Variants in SFT2D1 observed in about 807,000 individuals in gnomAD.
SFT2D1 encodes the protein SFT2 domain containing 1.
A neutral mutation model predicts 28.1 loss-of-function variants in SFT2D1; 24 were observed. The observed-to-expected ratio is 0.85, with a 90% CI of 0.62 to 1.20. SFT2D1 has a LOEUF of 1.20. Among genes scored for constraint, SFT2D1 ranks in the 50% most tolerant of loss-of-function variants. The probability of loss-of-function intolerance (pLI) is 0.00; values close to 1 mark genes in which losing one functional copy is unlikely to be tolerated. For synonymous variants in SFT2D1, 82 were observed against 73.7 expected, an observed-to-expected ratio of 1.11 and a Z score of -0.58; for missense variants, 181 against 190.9, an observed-to-expected ratio of 0.95 and a Z score of 0.31.
chr6:166,325,531 C>T (rs1778428824), intron 5 of SFT2D1, among the ~76,000 whole-genome samples: 1 of 152,244 alleles, frequency 6.6e-6, no homozygotes, highest in Non-Finnish European at 1.5e-5. Flanking sequence ...CAGTTCCTCT[C>T]TTTGTTGTTA....
At chr6:166,328,162 T>A in intron 4 of SFT2D1, 114 bp downstream of exon 4, 1 of 433,334 alleles carries the variant, frequency 2.3e-6, no homozygotes, top group Non-Finnish European at 3.8e-6. Flanking sequence ...AGTATAATAA[T>A]AAAAAAAAAT....
intron 1 of SFT2D1, among the ~76,000 whole-genome samples, chr6:166,332,724 G>A (rs1049860256): frequency 1.3e-5 from 2 of 152,208 alleles, no homozygotes; most frequent in African/African-American, 4.8e-5. Context: ...TCTGCTACCA[G>A]AGGAAGAGGA....
intron 5 of SFT2D1, chr6:166,325,917 G>A: frequency 1.7e-6 from 1 of 601,412 alleles, no homozygotes; most frequent in South Asian, 2.1e-5. Flanking sequence ...GTGTGCACAT[G>A]TGTGTTCACT....
chr6:166,321,546 T>C (rs1315998989), intron 7 of SFT2D1, among the ~76,000 whole-genome samples: 1 of 152,236 alleles, frequency 6.6e-6, no homozygotes, highest in African/African-American at 2.4e-5. Context: ...GTTTTGCTTT[T>C]TCTCCTTGTA....
chr6:166,341,577 C>T (rs1055163701), intron 1 of SFT2D1, among the ~76,000 whole-genome samples: 1 of 152,060 alleles, frequency 6.6e-6, no homozygotes, highest in Admixed American at 6.5e-5. Flanking sequence ...GAACTCTACC[C>T]ACACCAAGTG....
chr6:166,329,273 C>A (rs561887163), intron 3 of SFT2D1, among the ~76,000 whole-genome samples: 13 of 152,312 alleles, frequency 8.5e-5, no homozygotes, highest in African/African-American at 1.2e-4. Flanking sequence ...TTAGAACAGT[C>A]CCAGACACAC....
chr6:166,334,203 C>A (rs1365126318), intron 1 of SFT2D1, among the ~76,000 whole-genome samples: 1 of 152,240 alleles, frequency 6.6e-6, no homozygotes, highest in African/African-American at 2.4e-5. Flanking sequence ...CATCCACTAA[C>A]TGGCTCAATA....
At chr6:166,333,485 C>T (rs1301279102) in intron 1 of SFT2D1, among the ~76,000 whole-genome samples, 2 of 152,192 alleles carry the variant, frequency 1.3e-5, no homozygotes, top group East Asian at 1.9e-4. Flanking sequence ...GCTGGTTCCT[C>T]GGCCCCACCG....
chr6:166,330,468 C>T (rs370379565), intron 1 of SFT2D1, among the ~76,000 whole-genome samples: 6 of 152,230 alleles, frequency 3.9e-5, no homozygotes, highest in African/African-American at 1.4e-4. Context: ...TTTGCAAAGT[C>T]TGATAATATG....
intron 6 of SFT2D1, chr6:166,323,566 A>T (rs1171658060): frequency 1.3e-5 from 2 of 152,294 alleles, no homozygotes; most frequent in African/African-American, 4.8e-5. Context: ...GGGCACGTTT[A>T]ATCAACCACC....
At chr6:166,340,820 CA>C (rs1778764280) in intron 1 of SFT2D1, among the ~76,000 whole-genome samples, 1 of 152,242 alleles carries the variant, frequency 6.6e-6, no homozygotes, top group Admixed American at 6.5e-5. Flanking sequence ...CAATGTCAAA[CA>C]TATGCAGGAA....
intron 1 of SFT2D1, chr6:166,331,275 A>G (rs1778543732): frequency 6.5e-6 from 1 of 152,686 alleles, no homozygotes; most frequent in Non-Finnish European, 1.5e-5. Flanking sequence ...AATTTATACT[A>G]CCACATCCAC....
At chr6:166,333,296 G>T (rs917123153) in intron 1 of SFT2D1, among the ~76,000 whole-genome samples, 1 of 152,176 alleles carries the variant, frequency 6.6e-6, no homozygotes, top group African/African-American at 2.4e-5. Flanking sequence ...TGCAGCATGC[G>T]GCACGGGTTC....
intron 3 of SFT2D1, 97 bp from the exon 4 acceptor site, chr6:166,328,454 T>G: frequency 4.4e-6 from 3 of 681,550 alleles, no homozygotes; most frequent in Non-Finnish European, 6.8e-6. Context: ...CCCTGTTGCT[T>G]TATTTAATTA....
rs1217689012 is a variant in SFT2D1 at position 166,320,020 on chromosome 6, A to G, written c.*197T>C. The G allele has an allele frequency of 1.8e-6, 1 of 545,788 alleles. No individual in the cohort carries two copies. The highest frequency in any genetic ancestry group is 2.0e-5 in the African/African-American group (1 of 50,628). 33.8% of individuals were successfully genotyped at this position (545,788 alleles called of 1,614,324 possible). A position where few individuals can be genotyped will look rare whatever the true frequency, so the allele number is the denominator to read the frequency against. ...CTTTGGAAAAGTATATTAATGACAC[A>G]TAATGAATTTAAAGTTACAAGCATT... On this transcript the variant is annotated 3_prime_UTR_variant, in exon 8 of 8. Transcript: ENST00000361731.
rs76510347 is a variant in SFT2D1, at chr6:166,324,424, C to T, written c.410+113G>A. On this transcript the variant is annotated intron_variant, in intron 6 of 7. Coordinates refer to ENST00000361731, the MANE Select transcript of SFT2D1 (RefSeq NM_145169.3). ...CCTCCCCTCCTCTGACCCTGCAGGG[C>T]CTGTCTGGCTCCAAAACACCAGACG... 4,754 of 953,944 alleles carry T rather than the reference C, an allele frequency of 5.0e-3. 153 individuals carry two copies. In the African/African-American group the frequency reaches 0.069, roughly 14 times the overall value. 59.1% of individuals were successfully genotyped at this position (953,944 alleles called of 1,614,324 possible). A position where few individuals can be genotyped will look rare whatever the true frequency, so the allele number is the denominator to read the frequency against.
rs1228625109 is a variant in SFT2D1 at position 166,326,975 on chromosome 6, C to T, written c.316-808G>A. Among the ~76,000 whole-genome samples, 7 of 152,068 alleles carry T rather than the reference C, an allele frequency of 4.6e-5. No homozygotes were observed. In the East Asian group the frequency reaches 9.6e-4, roughly 21 times the overall value. The stretch of plus-strand genomic sequence containing the variant: ...TTAAATGTTTATATATATGTTGATA[C>T]ATATGCTATTATAGGAAATTCAAAA... On this transcript the variant is annotated intron_variant, in intron 4 of 7. Coordinates refer to ENST00000361731, the MANE Select transcript of SFT2D1 (RefSeq NM_145169.3).
chr6:166,334,315 C>A (rs1362273322), intron 1 of SFT2D1, among the ~76,000 whole-genome samples: 7 of 152,228 alleles, frequency 4.6e-5, no homozygotes, highest in Non-Finnish European at 8.8e-5. Context: ...ATACCATAGG[C>A]CAGGCACTGT....
chr6:166,328,338 G>A lies in SFT2D1; in HGVS notation c.253C>T (p.Pro85Ser). ...ALASTCFLMG[P>S]VKQLKKMFEA... Reference sequence around the variant, plus strand: ...AACATTTTCTTCAGTTGCTTCACAGGTCCCATTAAAAAGCATGTACTATTT... The same window carrying A: ...AACATTTTCTTCAGTTGCTTCACAGATCCCATTAAAAAGCATGTACTATTT... The change falls in exon 4 of 8, where the codon CCT (proline) becomes TCT (serine). Residue 85 changes from proline to serine, a missense_variant. Pro to Ser is a moderately conservative substitution (Grantham distance 74, BLOSUM62 -1). Transcript: ENST00000361731. 6.3e-7 allele frequency: 1 copy of A among 1,587,188 alleles called. No homozygotes were observed. The highest frequency in any genetic ancestry group is 8.6e-7 in the Non-Finnish European group (1 of 1,166,470).
Sources: gnomAD v4.1 joint callset for allele counts (sites outside exome capture counted in the v4.1 genomes callset) on GRCh38, gnomAD v4.1.1 for gene constraint, MANE v1.5 for transcripts, NCBI Gene and HGNC (gene_info 2026-07-23, HGNC 2026-07-21) for gene names.